Variants in FBN1 observed in about 807,000 individuals in gnomAD.
FBN1 encodes fibrillin-1.
In FBN1, 29 loss-of-function variants were observed where a neutral mutation model predicts 365.1. The observed-to-expected ratio is 0.08, with a 90% CI of 0.06 to 0.11. FBN1 has a LOEUF of 0.11. Among genes scored for constraint, FBN1 ranks in the 10% least tolerant of loss-of-function variants. The pLI is 1.00. For synonymous variants in FBN1, 1,210 were observed against 1,270.5 expected (o/e 0.95, Z 1.01); for missense variants, 2,476 against 3,703.2 (o/e 0.67, Z 8.60).
At chr15:48,592,513 T>C (rs1326251748) in intron 6 of FBN1, among the ~76,000 whole-genome samples, 1 of 152,140 alleles carries the variant, frequency 6.6e-6, no homozygotes, top group African/African-American at 2.4e-5. Context: ...CTCACTTCAA[T>C]AATCTGATAA....
At chr15:48,541,119 A>G (rs1379530124) in intron 6 of FBN1, among the ~76,000 whole-genome samples, 2 of 145,046 alleles carry the variant, frequency 1.4e-5, no homozygotes, top group East Asian at 3.9e-4. Context: ...AAAAAAAAAA[A>G]CCCCTTAAGA....
intron 6 of FBN1, among the ~76,000 whole-genome samples, chr15:48,566,983 T>C (rs2044262495): frequency 1.3e-5 from 2 of 152,168 alleles, no homozygotes; most frequent in African/African-American, 4.8e-5. Context: ...ACCCGGGAGT[T>C]TGATGGAAAT....
intron 15 of FBN1, among the ~76,000 whole-genome samples, chr15:48,506,248 A>G (rs1269474864): frequency 2.0e-5 from 3 of 152,188 alleles, no homozygotes; most frequent in Non-Finnish European, 4.4e-5. Flanking sequence ...GAAAAAGAAA[A>G]AAGCAAATGA....
At chr15:48,437,950 C>T (rs2043086153) in intron 50 of FBN1, 33 bp from the exon 51 acceptor site, 1 of 1,610,160 alleles carries the variant, frequency 6.2e-7, no homozygotes, top group Admixed American at 1.7e-5. Flanking sequence ...CCTTCAGTTG[C>T]TTTCCTACTG....
intron 63 of FBN1, among the ~76,000 whole-genome samples, chr15:48,419,072 G>A (rs1329033118): frequency 6.6e-6 from 1 of 152,152 alleles, no homozygotes; most frequent in Non-Finnish European, 1.5e-5. Flanking sequence ...GATCTGCTCT[G>A]TTTCTTGTGG....
intron 27 of FBN1, 59 bp downstream of exon 27, chr15:48,488,054 C>A: frequency 1.9e-6 from 3 of 1,609,166 alleles, no homozygotes; most frequent in Non-Finnish European, 2.6e-6. Flanking sequence ...AGGCTATGAG[C>A]CATCAAAGCT....
chr15:48,456,528 A>C, intron 44 of FBN1, 109 bp downstream of exon 44: 1 of 1,103,794 alleles, frequency 9.1e-7, no homozygotes, highest in Non-Finnish European at 1.4e-6. Flanking sequence ...CTATTTCTAG[A>C]GCTTAATGCA....
chr15:48,560,656 C>T (rs146172517), intron 6 of FBN1, among the ~76,000 whole-genome samples: 2 of 152,294 alleles, frequency 1.3e-5, no homozygotes, highest in African/African-American at 4.8e-5. Context: ...CATTTTGATA[C>T]TCTAATTACA....
At chr15:48,532,024 A>G (rs1159051786) in intron 8 of FBN1, among the ~76,000 whole-genome samples, 1 of 152,240 alleles carries the variant, frequency 6.6e-6, no homozygotes, top group African/African-American at 2.4e-5. Flanking sequence ...ATTAAGTAAT[A>G]GACTGAGTTT....
chr15:48,542,684 C>T (rs1312395236), intron 6 of FBN1, among the ~76,000 whole-genome samples: 2 of 151,988 alleles, frequency 1.3e-5, no homozygotes, highest in Non-Finnish European at 2.9e-5. Flanking sequence ...CCCCAGTTTT[C>T]CCCATGGAAC....
In FBN1 at chr15:48,520,736, T is replaced by C; in HGVS notation, c.1070A>G (p.Gln357Arg). ...GCATCGGCCGGCATCACAGCAGCAC[T>C]GCATTTTGGTTATGGACTGTGGCAG... ...NQLPQSITKM[Q>R]CCCDAGRCWS... Residue 357 changes from glutamine to arginine, a missense_variant, in exon 10 of 66, where the codon CAG (glutamine) becomes CGG (arginine). Physicochemically the swap from Gln to Arg is conservative, Grantham distance 43. Transcript: ENST00000316623. 3 of 1,614,198 alleles carry C rather than the reference T, an allele frequency of 1.9e-6. No homozygotes were observed. Among genetic ancestry groups the C allele is most frequent in the Middle Eastern group, 3.3e-4 (2 of 6,062 alleles).
intron 8 of FBN1, among the ~76,000 whole-genome samples, chr15:48,533,388 C>A (rs2043988719): frequency 6.6e-6 from 1 of 152,140 alleles, no homozygotes; most frequent in South Asian, 2.1e-4. Flanking sequence ...TCTAGATGCT[C>A]CCCTCTCACG....
intron 6 of FBN1, among the ~76,000 whole-genome samples, chr15:48,561,320 C>T (rs544608084): frequency 1.3e-5 from 2 of 152,230 alleles, no homozygotes; most frequent in South Asian, 4.2e-4. Context: ...AGAGTCAGAG[C>T]AATCACCTAC....
At chr15:48,491,602 C>G (rs920447385) in intron 24 of FBN1, among the ~76,000 whole-genome samples, 1 of 152,214 alleles carries the variant, frequency 6.6e-6, no homozygotes, top group East Asian at 1.9e-4. Context: ...CCACCTGCCT[C>G]GGCCTCCCGA....
chr15:48,491,037 T>G (rs2043553982), intron 24 of FBN1, among the ~76,000 whole-genome samples: 1 of 152,238 alleles, frequency 6.6e-6, no homozygotes. Context: ...CAGCTTTATA[T>G]TCAGACTGCC....
chr15:48,627,965 C>T (rs767754040), intron 2 of FBN1, among the ~76,000 whole-genome samples: 18 of 152,198 alleles, frequency 1.2e-4, no homozygotes, highest in Non-Finnish European at 2.2e-4. Flanking sequence ...ACATCCACCT[C>T]GCATACCTAA....
intron 32 of FBN1, among the ~76,000 whole-genome samples, chr15:48,479,679 T>C (rs1339166664): frequency 6.6e-6 from 1 of 152,246 alleles, no homozygotes; most frequent in Non-Finnish European, 1.5e-5. Context: ...ACTCAAAGGC[T>C]GCTGTTCTTA....
chr15:48,444,419 G>T, intron 49 of FBN1, 122 bp downstream of exon 49: 2 of 1,095,276 alleles, frequency 1.8e-6, no homozygotes, highest in Non-Finnish European at 2.8e-6. Context: ...TCATACCTAT[G>T]CCCTTGCATT....
In FBN1 at chr15:48,600,131, G is replaced by A. The variant is rs771771077; in HGVS notation, c.442+8C>T. On this transcript the variant is annotated splice_region_variant and intron_variant, in intron 5 of 65. Transcript: ENST00000316623. ...CATCTAGAATACTTATAACTACAGT[G>A]TACTTACGTTGTCCACAGTGAGTCC... is the stretch of plus-strand genomic sequence containing the variant. 1.9e-6 allele frequency: 3 copies of A among 1,585,898 alleles called. No individual in the cohort carries two copies. The highest frequency in any genetic ancestry group is 1.7e-5 in the Admixed American group (1 of 59,998).
Sources: allele counts gnomAD v4.1 joint callset (sites outside exome capture counted in the v4.1 genomes callset), GRCh38; gene constraint gnomAD v4.1.1; transcripts MANE v1.5; gene names NCBI Gene and HGNC (gene_info 2026-07-23, HGNC 2026-07-21).